Variants in ZNF483 observed in about 807,000 individuals in gnomAD.
The protein encoded by ZNF483 is zinc finger protein 483.
ZNF483 carries 9 observed loss-of-function variants against 28.6 expected under a neutral mutation model. The observed-to-expected ratio is 0.32, with a 90% CI of 0.19 to 0.55. The LOEUF is 0.55. ZNF483 is among the 20% of genes least tolerant of loss of function. The probability of loss-of-function intolerance (pLI) is 0.93; values close to 1 mark genes in which losing one functional copy is unlikely to be tolerated. For missense variants in ZNF483, 675 were observed against 871.7 expected (o/e 0.77, Z 2.84); for synonymous variants, 322 against 306.2 (o/e 1.05, Z -0.54).
At chr9:111,530,627 GAGTCCAACACAGAACTGCCTGCTGGGT>G (rs1827302718) in intron 2 of ZNF483, among the ~76,000 whole-genome samples, 1 of 150,490 alleles carries the variant, frequency 6.6e-6, no homozygotes, top group Admixed American at 6.6e-5. Context: ...GCCTGCTGGG[GAGTCCAACACAGAACTGCCTGCTGGGT>G]GTGGGGGAAA....
At chr9:111,540,229 C>T (rs1189231149) in intron 5 of ZNF483, among the ~76,000 whole-genome samples, 2 of 151,870 alleles carry the variant, frequency 1.3e-5, no homozygotes, top group African/African-American at 2.4e-5. Flanking sequence ...AATAACAATA[C>T]AAATTATGCA....
Position 111,548,319 on chromosome 9 carries a change from T to C in ZNF483, c.*5149T>C. Among the ~76,000 whole-genome samples the C allele has an allele frequency of 6.6e-6, 1 of 152,208 alleles. No individual in the cohort carries two copies. Among genetic ancestry groups the C allele is most frequent in the African/African-American group, 2.4e-5 (1 of 41,456 alleles). On this transcript the variant is annotated 3_prime_UTR_variant, in exon 6 of 6. Transcript: ENST00000309235. ...CATGTATTTGTGCCGTCTTTAATTT[T>C]TTCAGCAATGTGTTACAGTTGTCAT... is the stretch of plus-strand genomic sequence containing the variant.
Position 111,545,659 on chromosome 9 carries a change from A to C in ZNF483, c.*2489A>C, listed in dbSNP as rs984894344. ...TCTTTTTCTGTACATTTTATGTTAT[A>C]TGTGATCTTTCTGTGTTTTTTTCAT... On this transcript the variant is annotated 3_prime_UTR_variant, in exon 6 of 6. Coordinates refer to ENST00000309235, the MANE Select transcript of ZNF483 (RefSeq NM_133464.5). Among the ~76,000 whole-genome samples, 1 of 152,092 alleles carries C rather than the reference A, an allele frequency of 6.6e-6. No individual in the cohort carries two copies. Among genetic ancestry groups the C allele is most frequent in the Non-Finnish European group, 1.5e-5 (1 of 68,022 alleles).
In ZNF483 at chr9:111,560,966, T is replaced by G. The variant is rs1391406975; in HGVS notation, c.722-15399T>G. ...TAAAATATATATATATATATATATATATATATATAGAGAGAGAGAGAGAGA... is the reference window on the plus strand; with the variant it reads ...TAAAATATATATATATATATATATAGATATATATAGAGAGAGAGAGAGAGA... On this transcript the variant is annotated intron_variant, in intron 5 of 5. Coordinates refer to the ZNF483 transcript ENST00000358151. 6.6e-5 allele frequency among the ~76,000 whole-genome samples: 3 copies of G among 45,352 alleles called. 1 individual carries two copies. Among genetic ancestry groups the G allele is most frequent in the Non-Finnish European group, 4.0e-5 (1 of 24,812 alleles). 29.8% of individuals were successfully genotyped at this position (45,352 alleles called of 152,430 possible).
At chr9:111,568,251 T>A (rs1828659209) in intron 5 of ZNF483, among the ~76,000 whole-genome samples, 1 of 152,128 alleles carries the variant, frequency 6.6e-6, no homozygotes, top group Admixed American at 6.6e-5. Flanking sequence ...GGAATATTAA[T>A]AATTAATATC....
chr9:111,537,533 T>C (rs575906809), intron 5 of ZNF483, among the ~76,000 whole-genome samples: 1 of 152,170 alleles, frequency 6.6e-6, no homozygotes, highest in South Asian at 2.1e-4. Flanking sequence ...TTTAAGTGGA[T>C]ACTTAGAGCA....
downstream of ZNF483, among the ~76,000 whole-genome samples, chr9:111,556,848 T>C (rs991698425): frequency 2.0e-5 from 3 of 152,242 alleles, no homozygotes; most frequent in Non-Finnish European, 4.4e-5. Context: ...CAGCCATGCT[T>C]CCTGTATAGC....
Position 111,533,730 on chromosome 9 carries a change from G to T in ZNF483, c.502-9G>T, listed in dbSNP as rs1276887041. 2 of 1,549,112 alleles carry T rather than the reference G, an allele frequency of 1.3e-6. No homozygotes were observed. The highest frequency in any genetic ancestry group is 1.7e-6 in the Non-Finnish European group (2 of 1,159,168). ...TAATCCAATACAAAAGAGCTGTTTG[G>T]TGTTCTAGGAATCTATAACATTGAA... is the stretch of plus-strand genomic sequence containing the variant. On this transcript the variant is annotated splice_polypyrimidine_tract_variant and intron_variant, in intron 3 of 5. Transcript: ENST00000309235.
In ZNF483 at chr9:111,541,748, A is replaced by AGAG. The variant is rs766530138; in HGVS notation, c.819_821dup (p.Glu273dup). The stretch of plus-strand genomic sequence containing the variant: ...AATCCCAGCAATATTGTGGCAGCTC[A>AGAG]GAGGAGGATCACGGTAATCAGGGAA... On this transcript the variant is annotated inframe_insertion, in exon 6 of 6. Transcript: ENST00000309235. The AGAG allele has an allele frequency of 3.0e-5, 48 of 1,614,082 alleles. No homozygotes were observed. Among genetic ancestry groups the AGAG allele is most frequent in the Non-Finnish European group, 3.9e-5 (46 of 1,180,042 alleles).
At position 111,564,591 on chromosome 9, in the gene ZNF483, C is replaced by T. The variant is rs536065667; in HGVS notation, c.722-11774C>T. Among the ~76,000 whole-genome samples, 7 of 151,948 alleles carry T rather than the reference C, an allele frequency of 4.6e-5. No homozygotes were observed. In the South Asian group the frequency reaches 1.5e-3, roughly 32 times the overall value. On this transcript the variant is annotated intron_variant, in intron 5 of 5. Transcript: ENST00000358151. ...AAAGTGCTAGGATTACAGGCATGAG[C>T]CACTGCGCCTGGCTGAGATTTGAAC...
chr9:111,537,943 C>G (rs1827558690), intron 5 of ZNF483, among the ~76,000 whole-genome samples: 2 of 152,228 alleles, frequency 1.3e-5, no homozygotes, highest in African/African-American at 4.8e-5. Flanking sequence ...TTATTTAATA[C>G]TGTATCTTTA....
At chr9:111,540,908 C>T (rs1206649594) in intron 5 of ZNF483, among the ~76,000 whole-genome samples, 4 of 151,944 alleles carry the variant, frequency 2.6e-5, no homozygotes, top group South Asian at 2.1e-4. Flanking sequence ...TCCATAAAAC[C>T]GAGATGGTAA....
intron 5 of ZNF483, among the ~76,000 whole-genome samples, chr9:111,535,700 C>G (rs60926978): frequency 0.072 from 10,934 of 151,926 alleles, 604 homozygotes; most frequent in East Asian, 0.26. Context: ...TGTGCCACCA[C>G]GCCAAGCTAA....
intron 5 of ZNF483, among the ~76,000 whole-genome samples, chr9:111,572,783 A>T (rs1308043469): frequency 1.4e-5 from 2 of 146,588 alleles, no homozygotes; most frequent in Admixed American, 6.9e-5. Flanking sequence ...AAAAAAAATT[A>T]AAAAATTAAA....
Position 111,550,825 on chromosome 9 carries a change from G to A in ZNF483, c.*7655G>A, listed in dbSNP as rs1011972428. On this transcript the variant is annotated 3_prime_UTR_variant, in exon 6 of 6. Transcript: ENST00000309235. ...TTTTCTAATTGGTTTTGTTTCATAGGTGAAATATTTTTTCTCTGAGCATGT... is the reference window on the plus strand; with the variant it reads ...TTTTCTAATTGGTTTTGTTTCATAGATGAAATATTTTTTCTCTGAGCATGT... Among the ~76,000 whole-genome samples the A allele has an allele frequency of 6.6e-6, 1 of 152,120 alleles. No homozygotes were observed. Among genetic ancestry groups the A allele is most frequent in the East Asian group, 1.9e-4 (1 of 5,170 alleles).
intron 5 of ZNF483, among the ~76,000 whole-genome samples, chr9:111,572,527 T>C (rs1215478746): frequency 6.6e-6 from 1 of 151,654 alleles, no homozygotes; most frequent in African/African-American, 2.4e-5. Context: ...GAGGCAGAGG[T>C]TGCAGTGAGC....
chr9:111,544,901 G>A lies in ZNF483; in HGVS notation c.*1731G>A, dbSNP rs2132264713. ...ACCCCATGGACTCAACAGTGGTCTA[G>A]AAATAAGTTCCTAAAGTTGAAATTG... is the stretch of plus-strand genomic sequence containing the variant. On this transcript the variant is annotated 3_prime_UTR_variant, in exon 6 of 6. Coordinates refer to ENST00000309235, the MANE Select transcript of ZNF483 (RefSeq NM_133464.5). Among the ~76,000 whole-genome samples the A allele has an allele frequency of 6.6e-6, 1 of 152,214 alleles. No homozygotes were observed.
chr9:111,562,596 T>C (rs1828364162), intron 5 of ZNF483: 1 of 152,142 alleles, frequency 6.6e-6, no homozygotes, highest in South Asian at 2.1e-4. Context: ...TAATTTAATT[T>C]TATTTTATTT....
Position 111,573,566 on chromosome 9 carries a change from G to A in ZNF483, c.722-2799G>A, listed in dbSNP as rs117625081. On this transcript the variant is annotated intron_variant, in intron 5 of 5. Transcript: ENST00000358151. ...AGATTCCTTTTTTTCCTACTTTCTC[G>A]TACTTTCTCCTTTTTTGGGGGGGGA... Among the ~76,000 whole-genome samples, 37 of 152,060 alleles carry A rather than the reference G, an allele frequency of 2.4e-4. No homozygotes were observed. In the East Asian group the frequency reaches 5.8e-3, roughly 24 times the overall value.
Sources: allele counts gnomAD v4.1 joint callset (sites outside exome capture counted in the v4.1 genomes callset), GRCh38; gene constraint gnomAD v4.1.1; transcripts MANE v1.5; gene names NCBI Gene and HGNC (gene_info 2026-07-23, HGNC 2026-07-21).